USO1: variants seen among roughly 807,000 people sequenced by gnomAD.
The protein encoded by USO1 is general vesicular transport factor p115.
USO1 carries 57 observed loss-of-function variants against 124.5 expected under a neutral mutation model. The observed-to-expected ratio is 0.46, with a 90% CI of 0.37 to 0.57. The LOEUF (loss-of-function observed/expected upper bound fraction) is 0.57, where lower values mean the gene tolerates loss of function less well. Ranked by LOEUF, USO1 falls within the 20% of genes least tolerant of loss-of-function variation. The probability of loss-of-function intolerance (pLI) is 0.00; values close to 1 mark genes in which losing one functional copy is unlikely to be tolerated. For synonymous variants in USO1, 369 were observed against 362.8 expected, an observed-to-expected ratio of 1.02 and a Z score of -0.19; for missense variants, 900 against 1,040.6, an observed-to-expected ratio of 0.86 and a Z score of 1.86.
chr4:75,725,185 T>A (rs1720378480), intron 1 of USO1, among the ~76,000 whole-genome samples: 1 of 152,172 alleles, frequency 6.6e-6, no homozygotes, highest in Non-Finnish European at 1.5e-5. Context: ...AAGGGACGGA[T>A]GCGCGGCCGA....
In USO1 at chr4:75,805,218, T is replaced by G; in HGVS notation, c.2204T>G (p.Leu735Trp). The G allele has an allele frequency of 6.2e-7, 1 of 1,613,356 alleles. No homozygotes were observed. Among genetic ancestry groups the G allele is most frequent in the South Asian group, 1.1e-5 (1 of 90,962 alleles). Residue 735 changes from leucine (L) to tryptophan (W), a missense_variant, in exon 19 of 24, where the codon TTG (leucine) becomes TGG (tryptophan). By Grantham distance (61) the Leu-to-Trp change is moderately conservative (BLOSUM62 -2). Coordinates refer to ENST00000514213, the MANE Select transcript of USO1 (RefSeq NM_003715.4). ...ATTCAGCCAGAAGAAATTGGTAGAT[T>G]GCGAGAAGAGATAGAAGAATTAAAA... ...NGIQPEEIGR[L>W]REEIEELKRN...
intron 1 of USO1, 155 bp downstream of exon 1, chr4:75,725,040 C>T: frequency 1.3e-6 from 1 of 782,874 alleles, no homozygotes; most frequent in African/African-American, 1.8e-5. Flanking sequence ...CCTGAAATCC[C>T]AGAGTTATTC....
intron 1 of USO1, among the ~76,000 whole-genome samples, chr4:75,726,790 A>G (rs1194617262): frequency 2.0e-5 from 3 of 152,186 alleles, no homozygotes; most frequent in Non-Finnish European, 4.4e-5. Context: ...TCATACCATA[A>G]TCACAGCCCA....
intron 23 of USO1, 103 bp downstream of exon 23, chr4:75,812,478 A>G: frequency 2.9e-6 from 4 of 1,392,706 alleles, no homozygotes; most frequent in Non-Finnish European, 3.8e-6. Context: ...GTATTATAGG[A>G]ATGGATATGT....
rs779400661 is a variant in USO1 at position 75,770,517 on chromosome 4, C to G, written c.374C>G (p.Thr125Ser). The G allele has an allele frequency of 6.3e-7, 1 of 1,590,676 alleles. No individual in the cohort carries two copies. The highest frequency in any genetic ancestry group is 1.2e-5 in the South Asian group (1 of 86,884). The change falls in exon 5 of 24, where the codon ACT becomes AGT. Residue 125 changes from threonine (T) to serine (S), a missense_variant. Physicochemically the swap from Thr to Ser is moderately conservative, Grantham distance 58. This residue lies in a region of USO1 where 538 missense variants were observed against 681.6 expected (regional missense o/e 0.79). Coordinates refer to ENST00000514213, the MANE Select transcript of USO1 (RefSeq NM_003715.4). ...TTCATTAAGCAGCAGGAAAATGTCA[C>G]TCTTCTGTTATCTTTATTGGAGGTA... ...EIFIKQQENV[T>S]LLLSLLEEFD...
intron 8 of USO1, among the ~76,000 whole-genome samples, chr4:75,776,030 G>A (rs1343610072): frequency 6.6e-6 from 1 of 152,200 alleles, no homozygotes; most frequent in East Asian, 1.9e-4. Context: ...GCAGAGCTTA[G>A]AGAAAGAAGA....
intron 1 of USO1, among the ~76,000 whole-genome samples, chr4:75,728,830 G>C (rs991315024): frequency 2.0e-5 from 3 of 151,980 alleles, no homozygotes; most frequent in Admixed American, 1.3e-4. Flanking sequence ...ACAGAGTCTC[G>C]CTCTGTGGCC....
chr4:75,796,341 C>CTTGTTTTTTTTTTTTTTTT lies in USO1; in HGVS notation c.1452+2442_1452+2443insGTTTTTTTTTTTTTTTTTT, dbSNP rs1722678757. ...TAATCCCAGAAAGTTCCATCATGCT[C>CTTGTTTTTTTTTTTTTTTT]TTTTTTTTTTTTGAGACGGAGTCTC... is the stretch of plus-strand genomic sequence containing the variant. On this transcript the variant is annotated intron_variant, in intron 13 of 23. Transcript: ENST00000514213. Among the ~76,000 whole-genome samples, 2 of 102,064 alleles carry CTTGTTTTTTTTTTTTTTTT rather than the reference C, an allele frequency of 2.0e-5. 1 individual carries two copies. The highest frequency in any genetic ancestry group is 2.5e-4 in the Admixed American group (2 of 8,052). The allele number at this position is 102,064 out of a possible 152,430, so 67.0% of individuals were successfully genotyped here. A position where few individuals can be genotyped will look rare whatever the true frequency, so the allele number is the denominator to read the frequency against.
intron 1 of USO1, among the ~76,000 whole-genome samples, chr4:75,739,873 C>T (rs1720908314): frequency 6.6e-6 from 1 of 152,032 alleles, no homozygotes; most frequent in Non-Finnish European, 1.5e-5. Context: ...TTGGGATTTC[C>T]CTATTAAAAA....
In USO1 at chr4:75,810,604, A is replaced by G. The variant is rs541270750; in HGVS notation, c.2583+65A>G. On this transcript the variant is annotated intron_variant, in intron 22 of 23. Coordinates refer to ENST00000514213, the MANE Select transcript of USO1 (RefSeq NM_003715.4). ...TGAAATGAACTCTAGGAAATTTTAT[A>G]TATCTTTCAAATTCTTAGATTTATG... 293 of 1,457,300 alleles carry G rather than the reference A, an allele frequency of 2.0e-4. 3 individuals are homozygous for G. In the South Asian group the frequency reaches 3.7e-3, roughly 19 times the overall value. 90.3% of individuals were successfully genotyped at this position (1,457,300 alleles called of 1,614,324 possible).
At chr4:75,739,201 T>C (rs924021859) in intron 1 of USO1, among the ~76,000 whole-genome samples, 14 of 152,330 alleles carry the variant, frequency 9.2e-5, no homozygotes, top group Admixed American at 6.5e-4. Flanking sequence ...ACCTTAGAGT[T>C]ATTCTACTTT....
intron 10 of USO1, 146 bp downstream of exon 10, chr4:75,787,348 C>T: frequency 8.8e-7 from 1 of 1,131,644 alleles, no homozygotes; most frequent in Non-Finnish European, 1.2e-6. Flanking sequence ...ATATAATTCA[C>T]ATAATGATAA....
In USO1 at chr4:75,770,552, C is replaced by A. The variant is rs370568734; in HGVS notation, c.396+13C>A. ...ATCTTTATTGGAGGTAAATAGGGAA[C>A]CTTGATGTTTTTGTCATCTTAATAA... is the stretch of plus-strand genomic sequence containing the variant. On this transcript the variant is annotated intron_variant, in intron 5 of 23. Coordinates refer to ENST00000514213, the MANE Select transcript of USO1 (RefSeq NM_003715.4). The A allele has an allele frequency of 2.6e-6, 4 of 1,549,754 alleles. No individual in the cohort carries two copies. Among genetic ancestry groups the A allele is most frequent in the South Asian group, 1.2e-5 (1 of 81,040 alleles).
rs139536421 is a variant in USO1 at position 75,728,895 on chromosome 4, T to A, written c.66+4010T>A. On this transcript the variant is annotated intron_variant, in intron 1 of 23. Transcript: ENST00000514213. ...CTCACTGCAAGCTCCCCCTCCCGGG[T>A]TCACGCCATTCTTCTGCCTCAGCCT... Among the ~76,000 whole-genome samples, 1,194 of 151,834 alleles carry A rather than the reference T, an allele frequency of 7.9e-3. 17 individuals are homozygous for A. Among genetic ancestry groups the A allele is most frequent in the African/African-American group, 0.027 (1,122 of 41,440 alleles).
intron 9 of USO1, among the ~76,000 whole-genome samples, chr4:75,785,149 A>G (rs1315693938): frequency 1.3e-5 from 2 of 152,152 alleles, no homozygotes; most frequent in East Asian, 1.9e-4. Flanking sequence ...TAAGTTCTCT[A>G]TTATACACTA....
At chr4:75,790,911 G>T in intron 12 of USO1, 114 bp downstream of exon 12, 28 of 928,182 alleles carry the variant, frequency 3.0e-5, no homozygotes, top group Non-Finnish European at 3.7e-5. Flanking sequence ...GCTTAGGAGA[G>T]AAAAAAAAAA....
chr4:75,752,281 ATT>A, intron 1 of USO1, 90 bp from the exon 2 acceptor site: 1 of 361,592 alleles, frequency 2.8e-6, no homozygotes, highest in Non-Finnish European at 4.9e-6. Context: ...CCATGTGCTG[ATT>A]TTTTTTTTAA....
Position 75,724,757 on chromosome 4 carries a change from G to A in USO1, c.-63G>A, listed in dbSNP as rs1369499692. ...GATTGGGGCCCAGGCCCTGCGGAGGGCGGGGGAAGTTGTCTTCTTTTTTTT... is the reference window on the plus strand; with the variant it reads ...GATTGGGGCCCAGGCCCTGCGGAGGACGGGGGAAGTTGTCTTCTTTTTTTT... On this transcript the variant is annotated 5_prime_UTR_variant, in exon 1 of 24. Transcript: ENST00000514213. 5.1e-6 allele frequency: 8 copies of A among 1,571,714 alleles called. No individual in the cohort carries two copies. The East Asian group carries it at 1.3e-4, about 26-fold the overall frequency.
At chr4:75,802,172 C>A (rs1270033164) in intron 17 of USO1, among the ~76,000 whole-genome samples, 1 of 152,158 alleles carries the variant, frequency 6.6e-6, no homozygotes, top group East Asian at 1.9e-4. Flanking sequence ...GTATATTTAG[C>A]ATTCATTCTA....
Sources: allele counts gnomAD v4.1 joint callset (sites outside exome capture counted in the v4.1 genomes callset), GRCh38; gene constraint gnomAD v4.1.1; regional missense constraint gnomAD v4.1.1; transcripts MANE v1.5; gene names NCBI Gene and HGNC (gene_info 2026-07-23, HGNC 2026-07-21).